BDNF: variants seen among roughly 807,000 people sequenced by gnomAD.
The protein encoded by BDNF is brain derived neurotrophic factor, also known as neurotrophic factor BDNF precursor form.
In BDNF, 1 loss-of-function variant was observed where a neutral mutation model predicts 19.5. The ratio of observed to expected loss-of-function variants is 0.05; its 90% CI spans 0.02 to 0.24. BDNF has a LOEUF of 0.24. Ranked by LOEUF, BDNF falls within the 10% of genes least tolerant of loss-of-function variation. The probability of loss-of-function intolerance (pLI) is 1.00; values close to 1 mark genes in which losing one functional copy is unlikely to be tolerated. For missense variants in BDNF, 195 were observed against 317.6 expected (o/e 0.61, Z 2.93); for synonymous variants, 100 against 121.6 (o/e 0.82, Z 1.17).
rs10767665 is a variant in BDNF at position 27,712,311 on chromosome 11, G to T, written c.3+9101C>A. 1.0e-3 allele frequency among the ~76,000 whole-genome samples: 159 copies of T among 151,956 alleles called. 2 individuals carry two copies. Among genetic ancestry groups the T allele is most frequent in the African/African-American group, 3.6e-3 (149 of 41,398 alleles). The stretch of plus-strand genomic sequence containing the variant: ...TACATCACAGACACCTTCATATCAC[G>T]TCAGTTTTATAGATATTTCAAAATA... On this transcript the variant is annotated intron_variant, in intron 1 of 1. Transcript: ENST00000314915.
chr11:27,696,373 G>A (rs536189995), intron 1 of BDNF: 1 of 152,336 alleles, frequency 6.6e-6, no homozygotes, highest in East Asian at 1.9e-4. Context: ...AATGGATGCA[G>A]AGTGTAACCA....
intron 1 of BDNF, among the ~76,000 whole-genome samples, chr11:27,709,625 A>G (rs1016458366): frequency 2.6e-5 from 4 of 152,214 alleles, no homozygotes; most frequent in Non-Finnish European, 5.9e-5. Context: ...AGTCAAAAGA[A>G]CTTTGGTCCT....
At chr11:27,719,151 G>A (rs543052147) in intron 1 of BDNF, among the ~76,000 whole-genome samples, 3 of 152,262 alleles carry the variant, frequency 2.0e-5, no homozygotes, top group African/African-American at 7.2e-5. Context: ...GGCGGGGGCG[G>A]GAGAGGTAGA....
chr11:27,668,650 A>T (rs371448102), intron 1 of BDNF, among the ~76,000 whole-genome samples: 1 of 152,212 alleles, frequency 6.6e-6, no homozygotes, highest in African/African-American at 2.4e-5. Context: ...CAAATAAACT[A>T]GAAAACCTAA....
intron 1 of BDNF, chr11:27,699,618 G>T (rs935122314): frequency 2.1e-6 from 3 of 1,458,664 alleles, no homozygotes; most frequent in Non-Finnish European, 2.7e-6. Flanking sequence ...ATTGGCTTCG[G>T]ACTTGTAAGT....
intron 1 of BDNF, among the ~76,000 whole-genome samples, chr11:27,706,021 G>A (rs1377854680): frequency 2.0e-5 from 3 of 152,214 alleles, no homozygotes; most frequent in Non-Finnish European, 2.9e-5. Context: ...CGTAGGTTTG[G>A]TGTGTAGAAA....
chr11:27,715,804 A>C (rs1283062039), intron 1 of BDNF, among the ~76,000 whole-genome samples: 1 of 152,190 alleles, frequency 6.6e-6, no homozygotes, highest in Non-Finnish European at 1.5e-5. Context: ...CATCTGTAAA[A>C]GGTGATTGGT....
chr11:27,709,366 A>G (rs974930507), intron 1 of BDNF, among the ~76,000 whole-genome samples: 5 of 152,198 alleles, frequency 3.3e-5, no homozygotes, highest in African/African-American at 7.2e-5. Flanking sequence ...TAAAGTAACT[A>G]TAGGATATTT....
intron 1 of BDNF, among the ~76,000 whole-genome samples, chr11:27,706,013 T>C (rs962280427): frequency 6.6e-6 from 1 of 152,144 alleles, no homozygotes; most frequent in Admixed American, 6.5e-5. Flanking sequence ...TCCCTTGCCG[T>C]AGGTTTGGTG....
upstream of BDNF, among the ~76,000 whole-genome samples, chr11:27,704,917 A>C (rs530502636): frequency 3.9e-5 from 6 of 152,362 alleles, no homozygotes; most frequent in African/African-American, 1.4e-4. Flanking sequence ...TTATGTAACC[A>C]GGCATAGCCA....
intron 1 of BDNF, among the ~76,000 whole-genome samples, chr11:27,718,292 G>A (rs1312197897): frequency 1.3e-5 from 2 of 151,614 alleles, no homozygotes; most frequent in African/African-American, 4.8e-5. Context: ...GTTGCCGCCT[G>A]ATTGGAAAAA....
chr11:27,683,574 AT>A, intron 1 of BDNF, among the ~76,000 whole-genome samples: 1 of 152,074 alleles, frequency 6.6e-6, no homozygotes, highest in Non-Finnish European at 1.5e-5. Context: ...TCTTGAGTTA[AT>A]TTTTGTATAA....
At chr11:27,660,280 C>A in intron 1 of BDNF, 1 of 1,235,160 alleles carries the variant, frequency 8.1e-7, no homozygotes, top group Non-Finnish European at 1.0e-6. Flanking sequence ...TCCCTAAACA[C>A]ACAAAAAAAT....
chr11:27,669,028 G>A (rs990597274), intron 1 of BDNF, among the ~76,000 whole-genome samples: 3 of 152,090 alleles, frequency 2.0e-5, no homozygotes, highest in Non-Finnish European at 2.9e-5. Flanking sequence ...CTGGCAAACC[G>A]AATCCAGCAG....
At chr11:27,700,467 G>C (rs1859785626), upstream of BDNF, 5 of 982,642 alleles carry the variant, frequency 5.1e-6, no homozygotes, top group African/African-American at 1.8e-5. Context: ...CCTTGCGCCC[G>C]GGTCAGACAT....
At chr11:27,671,119 G>T (rs1159125752) in intron 1 of BDNF, among the ~76,000 whole-genome samples, 1 of 152,044 alleles carries the variant, frequency 6.6e-6, no homozygotes. Flanking sequence ...AGAACACTTG[G>T]ACACAGGGTG....
In BDNF at chr11:27,658,063, C is replaced by T; in HGVS notation, c.502G>A (p.Glu168Lys). Reference protein sequence around the residue: ...DMSGGTVTVLEKVPVSKGQLK... With the variant: ...DMSGGTVTVLKKVPVSKGQLK... ...TGGCCTTTTGATACAGGGACCTTTT[C>T]AAGGACTGTGACCGTCCCGCCCGAC... Residue 168 changes from glutamate to lysine, a missense_variant, in exon 2 of 2, where the codon GAA (glutamate) becomes AAA (lysine). This residue lies in a region of BDNF where 71 missense variants were observed against 162.6 expected (regional missense o/e 0.44). Coordinates refer to ENST00000356660, the MANE Select transcript of BDNF (RefSeq NM_001709.5). The surrounding 1 kb of genome is among the most constrained non-coding windows in gnomAD (Gnocchi z 5.7). 1 of 1,614,152 alleles carries T rather than the reference C, an allele frequency of 6.2e-7. No individual in the cohort carries two copies. The highest frequency in any genetic ancestry group is 8.5e-7 in the Non-Finnish European group (1 of 1,180,020).
chr11:27,704,810 T>A (rs1418505063), upstream of BDNF, among the ~76,000 whole-genome samples: 1 of 152,182 alleles, frequency 6.6e-6, no homozygotes, highest in Non-Finnish European at 1.5e-5. Context: ...TCCCTATTCA[T>A]GAGATGTTAC....
intron 1 of BDNF, among the ~76,000 whole-genome samples, chr11:27,708,224 A>G (rs1347104029): frequency 6.6e-6 from 1 of 152,218 alleles, no homozygotes; most frequent in African/African-American, 2.4e-5. Flanking sequence ...TTATGTTCAT[A>G]CTAAATACTG....
Sources: allele counts gnomAD v4.1 joint callset (sites outside exome capture counted in the v4.1 genomes callset), GRCh38; gene constraint gnomAD v4.1.1; regional missense constraint gnomAD v4.1.1; non-coding constraint Gnocchi (gnomAD v3.1); transcripts MANE v1.5; gene names NCBI Gene and HGNC (gene_info 2026-07-23, HGNC 2026-07-21).